The following DDX18 variants were observed in gnomAD, a reference collection of about 807,000 sequenced individuals.
DDX18 encodes the protein ATP-dependent RNA helicase DDX18.
A neutral mutation model predicts 73.5 loss-of-function variants in DDX18; 23 were observed. The observed-to-expected ratio is 0.31, with a 90% CI of 0.23 to 0.44. DDX18 has a LOEUF of 0.44. Ranked by LOEUF, DDX18 falls within the 20% of genes least tolerant of loss-of-function variation. The pLI, the probability that DDX18 is intolerant of heterozygous loss-of-function variation, is 1.00. For synonymous variants in DDX18, 268 were observed against 282.7 expected, an observed-to-expected ratio of 0.95 and a Z score of 0.52; for missense variants, 753 against 792.9, an observed-to-expected ratio of 0.95 and a Z score of 0.60.
At position 117,832,003 on chromosome 2, in the gene DDX18, A is replaced by G. The variant is rs575392472; in HGVS notation, c.*1279A>G. 3.9e-5 allele frequency: 6 copies of G among 152,250 alleles called. No homozygotes were observed. Among genetic ancestry groups the G allele is most frequent in the Non-Finnish European group, 7.3e-5 (5 of 68,030 alleles). 9.4% of individuals were successfully genotyped at this position (152,250 alleles called of 1,614,324 possible). ...ATTCCAGTAGGAAAAGAAAAGAACA[A>G]TCTTCCATTTCTGGGCTTGGCCACC... On this transcript the variant is annotated 3_prime_UTR_variant, in exon 14 of 14. Transcript: ENST00000263239.
In DDX18 at chr2:117,817,460, C is replaced by G; in HGVS notation, c.102C>G (p.Thr34=). 6 of 1,608,568 alleles carry G rather than the reference C, an allele frequency of 3.7e-6. No individual in the cohort carries two copies. The highest frequency in any genetic ancestry group is 1.7e-5 in the Admixed American group (1 of 59,016). ...NLKFQGASNL[T]LSETQNGDVS... ...TTTAAACAGGGGCCTCAAATCTGAC[C>G]CTATCGGAAACTCAAAATGGAGATG... The change falls in exon 2 of 14, where the codon ACC becomes ACG. Residue 34 remains threonine, a synonymous_variant. Coordinates refer to ENST00000263239, the MANE Select transcript of DDX18 (RefSeq NM_006773.4).
intron 11 of DDX18, 183 bp downstream of exon 11, chr2:117,826,565 A>C (rs1679931500): frequency 4.9e-6 from 3 of 608,660 alleles, no homozygotes; most frequent in Non-Finnish European, 8.7e-6. Flanking sequence ...GGAACTGCCC[A>C]CATGGCTCGG....
chr2:117,824,293 A>C, intron 7 of DDX18: 1 of 247,324 alleles, frequency 4.0e-6, no homozygotes, highest in South Asian at 1.8e-4. Context: ...GAAGGTTATA[A>C]CTAAAATTTC....
chr2:117,826,724 C>T (rs2104625834), intron 11 of DDX18: 1 of 254,152 alleles, frequency 3.9e-6, no homozygotes, highest in Non-Finnish European at 7.8e-6. Context: ...CCTCTTACCT[C>T]ATGTGAAGCA....
chr2:117,829,189 T>C, intron 12 of DDX18, 100 bp from the exon 13 acceptor site: 5 of 1,331,638 alleles, frequency 3.8e-6, no homozygotes, highest in Non-Finnish European at 5.2e-6. Context: ...CTTTAAATGT[T>C]TTCCATGGAG....
chr2:117,827,954 G>T (rs1679961833), intron 11 of DDX18: 1 of 152,194 alleles, frequency 6.6e-6, no homozygotes, highest in Non-Finnish European at 1.5e-5. Flanking sequence ...CAGTGTAAAA[G>T]TGTTCCTGTT....
chr2:117,829,153 T>C, intron 12 of DDX18, 136 bp from the exon 13 acceptor site: 3 of 1,150,658 alleles, frequency 2.6e-6, no homozygotes, highest in Non-Finnish European at 3.7e-6. Flanking sequence ...TTTCTTGCTA[T>C]TCTAGTTATC....
At position 117,824,740 on chromosome 2, in the gene DDX18, G is replaced by A. The variant is rs1240157580; in HGVS notation, c.1206+32G>A. ...TTTATCAATAACTGAAAACTGTAGG[G>A]ATCTTACTTGGTGTTTTTATGTAAT... is the stretch of plus-strand genomic sequence containing the variant. On this transcript the variant is annotated intron_variant, in intron 8 of 13. Coordinates refer to ENST00000263239, the MANE Select transcript of DDX18 (RefSeq NM_006773.4). The A allele has an allele frequency of 2.7e-6, 4 of 1,471,070 alleles. No individual in the cohort carries two copies. The Admixed American group carries it at 7.7e-5, about 28-fold the overall frequency. 91.1% of individuals were successfully genotyped at this position (1,471,070 alleles called of 1,614,324 possible).
chr2:117,825,048 A>C lies in DDX18; in HGVS notation c.1315A>C (p.Lys439Gln), dbSNP rs760534940. The C allele has an allele frequency of 1.5e-5, 25 of 1,614,052 alleles. No individual in the cohort carries two copies. The highest frequency in any genetic ancestry group is 2.1e-5 in the Non-Finnish European group (25 of 1,179,992). The change falls in exon 9 of 14, where the codon AAA becomes CAA. Residue 439 changes from lysine (K) to glutamine (Q), a missense_variant. Transcript: ENST00000263239. ...CTTCTTTTCATCTTGTATGTCTGTG[A>C]AATACCACTATGAGTTGCTGAACTA... ...MVFFSSCMSVKYHYELLNYID... is the reference protein window; with the variant it reads ...MVFFSSCMSVQYHYELLNYID...
At position 117,821,443 on chromosome 2, in the gene DDX18, T is replaced by C. The variant is rs1486199917; in HGVS notation, c.650+147T>C. The C allele has an allele frequency of 3.4e-6, 4 of 1,188,964 alleles. No homozygotes were observed. The East Asian group carries it at 7.4e-5, about 22-fold the overall frequency. The allele number at this position is 1,188,964 out of a possible 1,614,324, so 73.7% of individuals were successfully genotyped here. ...TTAAAGGCTTTAAGTTAATTACTGA[T>C]GTTTGAAGGAAAGTGTTCGAAAGGT... On this transcript the variant is annotated intron_variant, in intron 4 of 13. Coordinates refer to ENST00000263239, the MANE Select transcript of DDX18 (RefSeq NM_006773.4).
At chr2:117,820,843 A>G (rs556987999) in intron 3 of DDX18, among the ~76,000 whole-genome samples, 25 of 152,130 alleles carry the variant, frequency 1.6e-4, no homozygotes, top group African/African-American at 6.0e-4. Context: ...TTTCTTAAAC[A>G]TTTCATTTAT....
In DDX18 at chr2:117,819,718, C is replaced by T. The variant is rs1257495570; in HGVS notation, c.440C>T (p.Thr147Ile). ...GAAAGTGCCGAGACTACTAAAGAAA[C>T]AGAAAATAATGTGGAGAAGCCAGAT... The part of the protein sequence containing the change: ...EEESAETTKE[T>I]ENNVEKPDND... Residue 147 changes from threonine to isoleucine, a missense_variant, in exon 3 of 14, where the codon ACA becomes ATA. By Grantham distance (89) the Thr-to-Ile change is moderately conservative (BLOSUM62 -1). Around this residue, in one of 3 missense-constraint regions of DDX18, gnomAD observed 345 missense variants for 352.0 expected, o/e 0.98. Transcript: ENST00000263239. 1.2e-6 allele frequency: 2 copies of T among 1,609,436 alleles called. No homozygotes were observed. Among genetic ancestry groups the T allele is most frequent in the African/African-American group, 2.7e-5 (2 of 74,566 alleles).
chr2:117,822,236 A>G lies in DDX18; in HGVS notation c.1041A>G (p.Leu347=), dbSNP rs758521427. 3 of 1,613,224 alleles carry G rather than the reference A, an allele frequency of 1.9e-6. No homozygotes were observed. The highest frequency in any genetic ancestry group is 2.2e-5 in the South Asian group (2 of 91,038). ...RILDVGFEEE[L]KQIIKLLPTR... ...TGGATGTGGGGTTTGAAGAGGAATT[A>G]AAGCAAATTATTAAACTTTTGCCAA... Residue 347 remains leucine, a synonymous_variant, in exon 7 of 14, where the codon TTA becomes TTG. Coordinates refer to ENST00000263239, the MANE Select transcript of DDX18 (RefSeq NM_006773.4).
intron 7 of DDX18, chr2:117,824,258 T>G: frequency 5.2e-6 from 1 of 192,188 alleles, no homozygotes; most frequent in Non-Finnish European, 1.1e-5. Flanking sequence ...ATGGAATCCA[T>G]TTGGGCCTGG....
chr2:117,817,042 C>T (rs1370344783), intron 1 of DDX18, among the ~76,000 whole-genome samples: 1 of 152,132 alleles, frequency 6.6e-6, no homozygotes, highest in Non-Finnish European at 1.5e-5. Context: ...AAAAATAGTA[C>T]TTGTGTGAAT....
At chr2:117,826,785 C>CTCCTATTCA (rs1679934866) in intron 11 of DDX18, 1 of 181,624 alleles carries the variant, frequency 5.5e-6, no homozygotes, top group Non-Finnish European at 1.2e-5. Context: ...TGCCCTCTGT[C>CTCCTATTCA]TCCTATTCAT....
At chr2:117,825,808 C>T in intron 10 of DDX18, 1 of 513,438 alleles carries the variant, frequency 1.9e-6, no homozygotes. Context: ...ATCAGTGGGA[C>T]TTAAGTTATG....
intron 1 of DDX18, among the ~76,000 whole-genome samples, chr2:117,816,241 GTT>G (rs1472989049): frequency 1.3e-5 from 2 of 152,106 alleles, no homozygotes; most frequent in Non-Finnish European, 2.9e-5. Context: ...ACACTGTTGA[GTT>G]TTTTAATACT....
chr2:117,829,518 C>T (rs969342679), intron 13 of DDX18, 52 bp downstream of exon 13: 41 of 1,540,676 alleles, frequency 2.7e-5, no homozygotes, highest in Non-Finnish European at 3.5e-5. Context: ...AAAAGCTTGA[C>T]AGAGGGGCAT....
Sources: allele counts gnomAD v4.1 joint callset (sites outside exome capture counted in the v4.1 genomes callset), GRCh38; gene constraint gnomAD v4.1.1; regional missense constraint gnomAD v4.1.1; transcripts MANE v1.5; gene names NCBI Gene and HGNC (gene_info 2026-07-23, HGNC 2026-07-21).